IL1RL2: variants seen among roughly 807,000 people sequenced by gnomAD.
The protein encoded by IL1RL2 is interleukin 1 receptor like 2.
Under a neutral mutation model 66.8 loss-of-function variants are expected in IL1RL2, and 68 were observed. That is an observed-to-expected ratio of 1.02 (90% CI 0.84 to 1.25). The LOEUF (loss-of-function observed/expected upper bound fraction) is 1.25. IL1RL2 is among the 50% of genes most tolerant of loss of function. The pLI is 0.00. For missense variants in IL1RL2, 729 were observed against 709.3 expected (o/e 1.03, Z -0.32); for synonymous variants, 305 against 264.6 (o/e 1.15, Z -1.48).
chr2:102,218,257 G>A (rs1314003793), intron 6 of IL1RL2, among the ~76,000 whole-genome samples: 2 of 152,000 alleles, frequency 1.3e-5, no homozygotes, highest in African/African-American at 2.4e-5. Context: ...TATACTGTTT[G>A]GTACATGTGT....
At chr2:102,192,577 C>A (rs1207327779) in intron 4 of IL1RL2, among the ~76,000 whole-genome samples, 1 of 150,860 alleles carries the variant, frequency 6.6e-6, no homozygotes, top group African/African-American at 2.5e-5. Flanking sequence ...TGATGCTATA[C>A]TAGCAAATAA....
chr2:102,192,077 A>G lies in IL1RL2; in HGVS notation c.446A>G (p.His149Arg). The change falls in exon 4 of 12, where the codon CAC (histidine) becomes CGC (arginine). Residue 149 changes from histidine to arginine, a missense_variant. Coordinates refer to ENST00000264257, the MANE Select transcript of IL1RL2 (RefSeq NM_003854.4). ...GATGATAGTCTCACATGTCATCTGCACTTCCCGAAGAGTTGTGTTTTGGGT... is the reference window on the plus strand; with the variant it reads ...GATGATAGTCTCACATGTCATCTGCGCTTCCCGAAGAGTTGTGTTTTGGGT... ...GKDDSLTCHL[H>R]FPKSCVLGPI... 1 of 1,605,718 alleles carries G rather than the reference A, an allele frequency of 6.2e-7. No homozygotes were observed. The highest frequency in any genetic ancestry group is 8.5e-7 in the Non-Finnish European group (1 of 1,177,324).
chr2:102,220,585 C>T (rs187372388), intron 8 of IL1RL2, among the ~76,000 whole-genome samples: 17 of 152,118 alleles, frequency 1.1e-4, no homozygotes, highest in Admixed American at 9.8e-4. Context: ...ACTTTAAATT[C>T]GTAACCTATC....
At chr2:102,217,514 C>T (rs549800551) in intron 6 of IL1RL2, among the ~76,000 whole-genome samples, 1 of 152,218 alleles carries the variant, frequency 6.6e-6, no homozygotes, top group East Asian at 1.9e-4. Flanking sequence ...AGGTATCACA[C>T]TACCTGACTT....
chr2:102,189,131 T>C lies in IL1RL2; in HGVS notation c.114T>C (p.Phe38=). 1.2e-6 allele frequency: 2 copies of C among 1,614,168 alleles called. No homozygotes were observed. Among genetic ancestry groups the C allele is most frequent in the African/African-American group, 2.7e-5 (2 of 75,068 alleles). ...KNEILSASQP[F]AFNCTFPPIT... ...AGATACTTTCAGCAAGCCAGCCTTTTGCTTTTAATTGTACATTCCCTCCCA... is the reference window on the plus strand; with the variant it reads ...AGATACTTTCAGCAAGCCAGCCTTTCGCTTTTAATTGTACATTCCCTCCCA... The change falls in exon 3 of 12, where the codon TTT becomes TTC. Residue 38 remains phenylalanine, a synonymous_variant. Transcript: ENST00000264257.
At chr2:102,197,170 T>C (rs1687858256) in intron 4 of IL1RL2, among the ~76,000 whole-genome samples, 4 of 152,124 alleles carry the variant, frequency 2.6e-5, no homozygotes, top group Admixed American at 2.6e-4. Context: ...GGAGATGTAA[T>C]GAATTTGTAG....
In IL1RL2 at chr2:102,197,541, A is replaced by T. The variant is rs148089533; in HGVS notation, c.490-4015A>T. Among the ~76,000 whole-genome samples, 386 of 152,274 alleles carry T rather than the reference A, an allele frequency of 2.5e-3. 3 individuals carry two copies. The highest frequency in any genetic ancestry group is 3.7e-3 in the Non-Finnish European group (250 of 68,024). ...CTTTTTATCCTGTAGAGGCCATAAA[A>T]CTAAAAAGACACAGGAACAAAATGA... On this transcript the variant is annotated intron_variant, in intron 4 of 11. Coordinates refer to ENST00000264257, the MANE Select transcript of IL1RL2 (RefSeq NM_003854.4).
chr2:102,220,953 C>A (rs1318177629), intron 8 of IL1RL2, among the ~76,000 whole-genome samples: 1 of 152,172 alleles, frequency 6.6e-6, no homozygotes, highest in Non-Finnish European at 1.5e-5. Flanking sequence ...GGGATCTGTG[C>A]GTGGCAGCTT....
chr2:102,189,095 T>A lies in IL1RL2; in HGVS notation c.78T>A (p.Phe26Leu). Residue 26 changes from phenylalanine (F) to leucine (L), a missense_variant, in exon 3 of 12, where the codon TTT becomes TTA. By Grantham distance (22) the Phe-to-Leu change is conservative. Transcript: ENST00000264257. ...CCCTAGATGGATGCAAGGACATTTT[T>A]ATGAAAAATGAGATACTTTCAGCAA... The part of the protein sequence containing the change: ...SVTADGCKDI[F>L]MKNEILSASQ... 6.2e-7 allele frequency: 1 copy of A among 1,613,858 alleles called. No homozygotes were observed. The highest frequency in any genetic ancestry group is 8.5e-7 in the Non-Finnish European group (1 of 1,179,820).
chr2:102,235,549 A>G (rs1674803275), intron 11 of IL1RL2: 13 of 985,306 alleles, frequency 1.3e-5, no homozygotes, highest in Non-Finnish European at 1.6e-5. Context: ...CTGGATGGAT[A>G]CAGCACTTGG....
intron 4 of IL1RL2, among the ~76,000 whole-genome samples, chr2:102,197,070 G>C (rs1687848359): frequency 6.6e-6 from 1 of 152,180 alleles, no homozygotes; most frequent in Non-Finnish European, 1.5e-5. Context: ...TTAGGGAAAA[G>C]GAGGAACTCA....
chr2:102,228,072 G>A (rs1197948828), intron 9 of IL1RL2, among the ~76,000 whole-genome samples: 1 of 152,218 alleles, frequency 6.6e-6, no homozygotes, highest in Non-Finnish European at 1.5e-5. Flanking sequence ...AGGATTTGGC[G>A]ATGGAGGCTA....
In IL1RL2 at chr2:102,218,979, G is replaced by A. The variant is rs1237638576; in HGVS notation, c.751G>A (p.Val251Ile). The A allele has an allele frequency of 1.2e-6, 2 of 1,613,466 alleles. No individual in the cohort carries two copies. Among genetic ancestry groups the A allele is most frequent in the East Asian group, 2.2e-5 (1 of 44,866 alleles). The change falls in exon 7 of 12, where the codon GTA (valine) becomes ATA (isoleucine). Residue 251 changes from valine to isoleucine, a missense_variant. Val to Ile is a conservative substitution (Grantham distance 29). Transcript: ENST00000264257. ...TACCACTCTGATTGTGGACTGCAAT[G>A]TAACAGACACCAAGGATAATACAAA... is the stretch of plus-strand genomic sequence containing the variant. ...LGTTLIVDCN[V>I]TDTKDNTNLR...
In IL1RL2 at chr2:102,201,574, G is replaced by C. The variant is rs749581969; in HGVS notation, c.508G>C (p.Gly170Arg). Residue 170 changes from glycine (G) to arginine (R), a missense_variant, in exon 5 of 12, where the codon GGG becomes CGG. By Grantham distance (125) the Gly-to-Arg change is moderately radical. Transcript: ENST00000264257. ...KWYKDCNEIK[G>R]ERFTVLETRL... ...GTATTAGGACTGTAACGAGATTAAA[G>C]GGGAGCGGTTCACTGTTTTGGAAAC... The C allele has an allele frequency of 1.2e-6, 2 of 1,614,046 alleles. No individual in the cohort carries two copies. The highest frequency in any genetic ancestry group is 4.5e-5 in the East Asian group (2 of 44,888).
intron 5 of IL1RL2, among the ~76,000 whole-genome samples, chr2:102,208,561 G>A (rs1688892534): frequency 6.6e-6 from 1 of 152,222 alleles, no homozygotes. Context: ...CTTCTTTGAT[G>A]TAGACCTTCC....
rs1285260231 is a variant in IL1RL2, at chr2:102,210,825, A to G, written c.650-1275A>G. ...AGGTCCAGAGTAGGTCATGGCCTGTATGGGCATGGAGCTTAGAGGAAGGAC... is the reference window on the plus strand; with the variant it reads ...AGGTCCAGAGTAGGTCATGGCCTGTGTGGGCATGGAGCTTAGAGGAAGGAC... On this transcript the variant is annotated intron_variant, in intron 5 of 11. Coordinates refer to ENST00000264257, the MANE Select transcript of IL1RL2 (RefSeq NM_003854.4). Among the ~76,000 whole-genome samples the G allele has an allele frequency of 2.6e-5, 4 of 152,312 alleles. No homozygotes were observed. In the South Asian group the frequency reaches 8.3e-4, roughly 32 times the overall value.
chr2:102,195,434 C>T (rs539694450), intron 4 of IL1RL2, among the ~76,000 whole-genome samples: 25 of 152,064 alleles, frequency 1.6e-4, no homozygotes, highest in South Asian at 6.2e-4. Context: ...ATTTTTTTCT[C>T]TGTGGACTTA....
chr2:102,220,625 T>C (rs887931924), intron 8 of IL1RL2, among the ~76,000 whole-genome samples: 4 of 152,148 alleles, frequency 2.6e-5, no homozygotes, highest in Non-Finnish European at 4.4e-5. Context: ...CCTTGCAAAA[T>C]GCTGTGTGGT....
chr2:102,196,833 T>C (rs1687826944), intron 4 of IL1RL2, among the ~76,000 whole-genome samples: 1 of 152,164 alleles, frequency 6.6e-6, no homozygotes, highest in African/African-American at 2.4e-5. Context: ...AAGATGGTGC[T>C]AGAAAATAAA....
Sources: gnomAD v4.1 joint callset for allele counts (sites outside exome capture counted in the v4.1 genomes callset) on GRCh38, gnomAD v4.1.1 for gene constraint, MANE v1.5 for transcripts, NCBI Gene and HGNC (gene_info 2026-07-23, HGNC 2026-07-21) for gene names.